The following DNAH3 variants were observed in gnomAD, a reference collection of about 807,000 sequenced individuals.
The protein encoded by DNAH3 is dynein axonemal heavy chain 3.
In DNAH3, 332 loss-of-function variants were observed where a neutral mutation model predicts 432.5. That is an observed-to-expected ratio of 0.77 (90% confidence interval 0.70 to 0.84). The LOEUF is 0.84. DNAH3 is among the 40% of genes least tolerant of loss of function. DNAH3 has a pLI of 0.00. For missense variants in DNAH3, 4,861 were observed against 5,114.0 expected (o/e 0.95, Z 1.51); for synonymous variants, 1,956 against 1,900.2 (o/e 1.03, Z -0.76).
At chr16:21,046,423 T>C (rs2089699900) in intron 31 of DNAH3, among the ~76,000 whole-genome samples, 1 of 151,126 alleles carries the variant, frequency 6.6e-6, no homozygotes, top group African/African-American at 2.4e-5. Context: ...CCTTTACCAT[T>C]ATGTAATGGC....
At chr16:21,140,669 T>C in exon 5 of DNAH3, 2 of 1,614,138 alleles carry the variant, frequency 1.2e-6, no homozygotes, top group Non-Finnish European at 1.7e-6. Context: ...TACCTCCTTC[T>C]TCATGGGTGA....
At chr16:21,027,101 G>A (rs1395976928) in exon 38 of DNAH3, 1 of 1,613,646 alleles carries the variant, frequency 6.2e-7, no homozygotes, top group East Asian at 2.2e-5. Context: ...AGTTCATCTG[G>A]ATAATTTCCC....
At chr16:20,989,218 T>G (rs2086407803) in intron 44 of DNAH3, among the ~76,000 whole-genome samples, 1 of 152,174 alleles carries the variant, frequency 6.6e-6, no homozygotes, top group African/African-American at 2.4e-5. Context: ...TGCTGATTGG[T>G]GCATTTACAA....
At chr16:21,057,250 A>C (rs2152748401) in intron 27 of DNAH3, among the ~76,000 whole-genome samples, 1 of 152,284 alleles carries the variant, frequency 6.6e-6, no homozygotes, top group Middle Eastern at 3.4e-3. Context: ...TCTCTAGTTT[A>C]AAAAATAGAA....
intron 8 of DNAH3, among the ~76,000 whole-genome samples, chr16:21,125,956 G>A (rs1028351789): frequency 6.6e-6 from 1 of 152,120 alleles, no homozygotes; most frequent in African/African-American, 2.4e-5. Context: ...AGACCAGCCC[G>A]GCCAACATGG....
intron 36 of DNAH3, 74 bp downstream of exon 36, chr16:21,033,900 G>T: frequency 9.9e-7 from 1 of 1,008,022 alleles, no homozygotes; most frequent in Non-Finnish European, 1.5e-6. Context: ...TAGCAGCCTG[G>T]CATTATCTCC....
chr16:21,098,592 A>C (rs374614549), intron 17 of DNAH3, 24 bp downstream of exon 17: 4 of 1,601,322 alleles, frequency 2.5e-6, no homozygotes, highest in Non-Finnish European at 3.4e-6. Flanking sequence ...CAGTGTCATA[A>C]GTCCCCATCT....
intron 29 of DNAH3, among the ~76,000 whole-genome samples, chr16:21,051,319 C>T (rs753500871): frequency 2.0e-5 from 3 of 152,196 alleles, no homozygotes; most frequent in Admixed American, 6.5e-5. Context: ...CCCTTGGCTA[C>T]GTTCTTGACC....
chr16:21,102,836 A>G (rs1293882400), intron 16 of DNAH3, among the ~76,000 whole-genome samples: 1 of 151,890 alleles, frequency 6.6e-6, no homozygotes. Context: ...GAATGAATTA[A>G]TGGCATTTGC....
At chr16:21,060,317 T>C in exon 26 of DNAH3, 1 of 1,614,060 alleles carries the variant, frequency 6.2e-7, no homozygotes, top group Non-Finnish European at 8.5e-7. Context: ...CTGGCCAGCA[T>C]CATCTGCTCC....
At chr16:21,079,984 C>G (rs2091122679) in intron 20 of DNAH3, among the ~76,000 whole-genome samples, 1 of 152,162 alleles carries the variant, frequency 6.6e-6, no homozygotes, top group African/African-American at 2.4e-5. Context: ...TGGAGCAGTG[C>G]TGTCCATTAG....
intron 1 of DNAH3, among the ~76,000 whole-genome samples, chr16:21,152,595 A>G (rs1022557031): frequency 5.3e-5 from 8 of 152,198 alleles, no homozygotes; most frequent in Non-Finnish European, 8.8e-5. Context: ...GCAGGTGTGG[A>G]GGGAGAGGCG....
chr16:21,010,395 C>A (rs1434497625), intron 41 of DNAH3, among the ~76,000 whole-genome samples: 1 of 152,086 alleles, frequency 6.6e-6, no homozygotes, highest in Non-Finnish European at 1.5e-5. Flanking sequence ...AACTTTTCAA[C>A]TGAGCAGTAA....
intron 4 of DNAH3, 136 bp downstream of exon 5, chr16:21,141,164 A>G (rs2092713433): frequency 1.4e-6 from 1 of 702,092 alleles, no homozygotes; most frequent in South Asian, 2.2e-5. Flanking sequence ...TTTTTTGATT[A>G]AAGTGATTCG....
chr16:21,077,700 A>C (rs1280628386), intron 20 of DNAH3, among the ~76,000 whole-genome samples: 1 of 152,120 alleles, frequency 6.6e-6, no homozygotes, highest in Non-Finnish European at 1.5e-5. Context: ...GAGGTGTGGC[A>C]AAGAATTGGA....
intron 12 of DNAH3, among the ~76,000 whole-genome samples, chr16:21,115,643 G>T (rs1380129877): frequency 6.6e-6 from 1 of 151,718 alleles, no homozygotes; most frequent in Admixed American, 6.6e-5. Flanking sequence ...GGAGATGGAG[G>T]TTGCAGTGAG....
At chr16:21,150,464 A>G (rs1408554623) in intron 1 of DNAH3, 1 of 366,744 alleles carries the variant, frequency 2.7e-6, no homozygotes, top group African/African-American at 2.1e-5. Context: ...GGAACTTTCC[A>G]GATGTTCTGA....
intron 49 of DNAH3, 37 bp downstream of exon 49, chr16:20,982,684 G>T: frequency 1.3e-6 from 2 of 1,545,066 alleles, no homozygotes; most frequent in Non-Finnish European, 8.8e-7. Flanking sequence ...CTTCAAATTT[G>T]GAATATCTAG....
chr16:20,946,465 T>C (rs2084048635), intron 57 of DNAH3, among the ~76,000 whole-genome samples: 1 of 152,222 alleles, frequency 6.6e-6, no homozygotes. Context: ...GCACATGCTC[T>C]CAGGATCTCC....
Sources: allele counts gnomAD v4.1 joint callset (sites outside exome capture counted in the v4.1 genomes callset), GRCh38; gene constraint gnomAD v4.1.1; transcripts MANE v1.5; gene names NCBI Gene and HGNC (gene_info 2026-07-23, HGNC 2026-07-21).